The following DGKB variants were observed in gnomAD, a reference collection of about 807,000 sequenced individuals.
DGKB encodes the protein diacylglycerol kinase beta.
In DGKB, 67 loss-of-function variants were observed where a neutral mutation model predicts 114.3. That is an observed-to-expected ratio of 0.59 (90% CI 0.48 to 0.72). DGKB has a LOEUF of 0.72. Among genes scored for constraint, DGKB ranks in the 30% least tolerant of loss-of-function variants. DGKB has a pLI of 0.00. For missense variants in DGKB, 907 were observed against 975.2 expected (o/e 0.93, Z 0.93); for synonymous variants, 398 against 323.1 (o/e 1.23, Z -2.49).
intron 22 of DGKB, among the ~76,000 whole-genome samples, chr7:14,344,900 A>C (rs1357015145): frequency 2.0e-5 from 3 of 151,812 alleles, no homozygotes; most frequent in African/African-American, 7.2e-5. Flanking sequence ...TTATTCATAA[A>C]AGTAAGTACA....
intron 23 of DGKB, among the ~76,000 whole-genome samples, chr7:14,287,593 C>A (rs928416515): frequency 4.6e-5 from 7 of 152,062 alleles, no homozygotes; most frequent in African/African-American, 1.7e-4. Context: ...ACTATAAATA[C>A]AAGAGTAGTA....
chr7:14,394,668 T>G (rs1563092623), intron 21 of DGKB, among the ~76,000 whole-genome samples: 2 of 151,268 alleles, frequency 1.3e-5, no homozygotes, highest in African/African-American at 4.9e-5. Flanking sequence ...CAATGACCAT[T>G]TTTTTTTTAT....
intron 2 of DGKB, among the ~76,000 whole-genome samples, chr7:14,789,869 G>A (rs184793234): frequency 2.6e-5 from 4 of 152,232 alleles, no homozygotes; most frequent in Admixed American, 2.6e-4. Context: ...TGGCCAAAAT[G>A]TTTTCCAGAG....
At chr7:14,472,005 G>C (rs569526920) in intron 21 of DGKB, among the ~76,000 whole-genome samples, 1 of 152,220 alleles carries the variant, frequency 6.6e-6, no homozygotes, top group South Asian at 2.1e-4. Flanking sequence ...GAAATAAGCT[G>C]CGTGGATTTA....
intron 23 of DGKB, among the ~76,000 whole-genome samples, chr7:14,313,375 C>G (rs1035844794): frequency 1.3e-5 from 2 of 152,026 alleles, no homozygotes; most frequent in Non-Finnish European, 2.9e-5. Flanking sequence ...GTTCATCTCA[C>G]TAGGGAGCGC....
At chr7:14,384,270 C>G (rs1819964229) in intron 21 of DGKB, among the ~76,000 whole-genome samples, 1 of 152,096 alleles carries the variant, frequency 6.6e-6, no homozygotes, top group Non-Finnish European at 1.5e-5. Context: ...AAATTCTGGA[C>G]CTAAAATTAT....
intron 21 of DGKB, among the ~76,000 whole-genome samples, chr7:14,460,704 G>T (rs546988442): frequency 2.0e-5 from 3 of 152,102 alleles, no homozygotes; most frequent in South Asian, 2.1e-4. Flanking sequence ...AACAAGACAG[G>T]AAATTAACAA....
intron 23 of DGKB, among the ~76,000 whole-genome samples, chr7:14,262,108 G>A (rs957141191): frequency 1.3e-5 from 2 of 152,238 alleles, no homozygotes; most frequent in East Asian, 1.9e-4. Context: ...GGGGTCCTCT[G>A]GAATATAGGA....
intron 17 of DGKB, among the ~76,000 whole-genome samples, chr7:14,606,415 G>T (rs1372552037): frequency 6.6e-6 from 1 of 152,074 alleles, no homozygotes; most frequent in East Asian, 1.9e-4. Context: ...GGCAGTAGAA[G>T]AAAGAGCTGA....
At position 14,281,452 on chromosome 7, in the gene DGKB, T is replaced by C. The variant is rs371412859; in HGVS notation, c.2122+57063A>G. Among the ~76,000 whole-genome samples the C allele has an allele frequency of 3.8e-3, 548 of 143,050 alleles. 8 individuals are homozygous for C. The highest frequency in any genetic ancestry group is 0.014 in the African/African-American group (500 of 36,480). The allele number at this position is 143,050 out of a possible 152,430, so 93.8% of individuals were successfully genotyped here. ...CCACTGTCAACATTAGACAGATCAA[T>C]GAGACAGAAAGTCAACAAGGATACC... On this transcript the variant is annotated intron_variant, in intron 23 of 25. Transcript: ENST00000402815.
At chr7:14,882,726 T>G (rs925757869) in intron 1 of DGKB, among the ~76,000 whole-genome samples, 3 of 152,052 alleles carry the variant, frequency 2.0e-5, no homozygotes, top group Non-Finnish European at 4.4e-5. Context: ...TTGCTCAAGA[T>G]AATAACCTTC....
intron 21 of DGKB, among the ~76,000 whole-genome samples, chr7:14,442,607 T>C (rs984290080): frequency 1.3e-5 from 2 of 152,196 alleles, no homozygotes; most frequent in Non-Finnish European, 2.9e-5. Context: ...AATAAATTGT[T>C]TGCAGATATA....
At position 14,258,259 on chromosome 7, in the gene DGKB, A is replaced by G. The variant is rs11973284; in HGVS notation, c.2123-80108T>C. Among the ~76,000 whole-genome samples, 449 of 152,350 alleles carry G rather than the reference A, an allele frequency of 2.9e-3. 3 individuals are homozygous for G. The highest frequency in any genetic ancestry group is 0.01 in the African/African-American group (430 of 41,584). ...TGAATTTAATTTTTAAAGGATTACC[A>G]GAATAAGAAGACTGTGTGTTAAGAA... On this transcript the variant is annotated intron_variant, in intron 23 of 25. Coordinates refer to ENST00000402815, the MANE Select transcript of DGKB (RefSeq NM_001350709.2).
chr7:14,969,750 T>C (rs1787354226), intron 1 of DGKB, among the ~76,000 whole-genome samples: 1 of 152,132 alleles, frequency 6.6e-6, no homozygotes, highest in South Asian at 2.1e-4. Flanking sequence ...GTTTGGACCA[T>C]TGGTCTACTA....
intron 5 of DGKB, among the ~76,000 whole-genome samples, chr7:14,726,851 C>G (rs1156503166): frequency 6.6e-6 from 1 of 152,134 alleles, no homozygotes; most frequent in Non-Finnish European, 1.5e-5. Context: ...TAAGATTAGT[C>G]ATGTAAAACC....
intron 21 of DGKB, among the ~76,000 whole-genome samples, chr7:14,454,141 T>C (rs1831936168): frequency 6.6e-6 from 1 of 152,108 alleles, no homozygotes; most frequent in Non-Finnish European, 1.5e-5. Context: ...TTTCTAGTGT[T>C]AGAACATTAC....
upstream of DGKB, among the ~76,000 whole-genome samples, chr7:14,905,218 AT>A (rs1783626761): frequency 6.7e-6 from 1 of 148,778 alleles, no homozygotes; most frequent in Non-Finnish European, 1.5e-5. Flanking sequence ...ATAATTGGTA[AT>A]GAGTATTTAA....
intron 2 of DGKB, among the ~76,000 whole-genome samples, chr7:14,812,717 C>T (rs1160784401): frequency 6.6e-6 from 1 of 152,186 alleles, no homozygotes; most frequent in Non-Finnish European, 1.5e-5. Flanking sequence ...CAACCCTCTT[C>T]ACTCTATTAA....
intron 2 of DGKB, among the ~76,000 whole-genome samples, chr7:14,770,881 G>A (rs1837308486): frequency 6.6e-6 from 1 of 152,066 alleles, no homozygotes. Context: ...CTTATACAAA[G>A]GGTGGAATGT....
Sources: allele counts gnomAD v4.1 joint callset (sites outside exome capture counted in the v4.1 genomes callset), GRCh38; gene constraint gnomAD v4.1.1; transcripts MANE v1.5; gene names NCBI Gene and HGNC (gene_info 2026-07-23, HGNC 2026-07-21).